Variants in NCBP2L observed in about 807,000 individuals in gnomAD.
NCBP2L encodes the protein nuclear cap binding protein subunit 2 like, also known as nuclear cap-binding protein subunit 2-like.
For missense variants in NCBP2L, 95 were observed against 53.1 expected, an observed-to-expected ratio of 1.79 and a Z score of -2.45; for synonymous variants, 39 against 19.2, an observed-to-expected ratio of 2.04 and a Z score of -2.70.
chrX:107,787,539 C>A (rs1195026841), intron 1 of NCBP2L, among the ~76,000 whole-genome samples: 1 of 111,915 alleles, frequency 8.9e-6, no homozygotes, highest in Non-Finnish European at 1.9e-5. Context: ...CATCTCTCAC[C>A]TCCATGACAT....
intron 1 of NCBP2L, among the ~76,000 whole-genome samples, chrX:107,782,338 AATATATATATATAAATATAT>A (rs1930331168): frequency 2.9e-5 from 1 of 34,789 alleles, no homozygotes. Context: ...TATATATATA[AATATATATATATAAATATAT>A]ATATATATAA....
rs1478108715 is a variant in NCBP2L, at chrX:107,795,399, A to G, written c.*717A>G. 1 of 111,903 alleles carries G rather than the reference A, an allele frequency of 8.9e-6. No homozygotes were observed. The highest frequency in any genetic ancestry group is 2.8e-4 in the East Asian group (1 of 3,601). 9.2% of individuals were successfully genotyped at this position (111,903 alleles called of 1,213,427 possible). ...CCATCCTCTCAATATAGTTCACAACACTTTACAGAGGGTTCCTGAGTTACA... is the reference window on the plus strand; with the variant it reads ...CCATCCTCTCAATATAGTTCACAACGCTTTACAGAGGGTTCCTGAGTTACA... On this transcript the variant is annotated 3_prime_UTR_variant, in exon 2 of 2. Transcript: ENST00000509000.
At chrX:107,785,012 A>AGAAGGAAGGAAGGAAGGAAG (rs376629064) in intron 1 of NCBP2L, among the ~76,000 whole-genome samples, 1 of 101,761 alleles carries the variant, frequency 9.8e-6, no homozygotes, top group African/African-American at 3.8e-5. Context: ...AAGGAAAGAA[A>AGAAGGAAGGAAGGAAGGAAG]GAAGGAAGGA....
intron 1 of NCBP2L, among the ~76,000 whole-genome samples, chrX:107,789,831 CAGG>C (rs760696456): frequency 2.7e-5 from 3 of 109,667 alleles, no homozygotes; most frequent in Non-Finnish European, 5.7e-5. Flanking sequence ...CAGTCTTTCC[CAGG>C]TTTTTTCATT....
chrX:107,783,711 T>C (rs1303058357), intron 1 of NCBP2L, among the ~76,000 whole-genome samples: 1 of 111,005 alleles, frequency 9.0e-6, no homozygotes, highest in Non-Finnish European at 1.9e-5. Flanking sequence ...CATGATGTTT[T>C]GACATACATT....
chrX:107,779,910 A>AT (rs1194305335), intron 1 of NCBP2L, among the ~76,000 whole-genome samples: 3 of 107,595 alleles, frequency 2.8e-5, no homozygotes, highest in African/African-American at 6.8e-5. Context: ...CGCCCGGCTA[A>AT]TTTTTTTGTA....
At chrX:107,784,807 CA>C (rs10550955) in intron 1 of NCBP2L, among the ~76,000 whole-genome samples, 3,352 of 41,090 alleles carry the variant, frequency 0.082, 134 homozygotes, top group African/African-American at 0.17. Flanking sequence ...CCCATCTCCA[CA>C]AAAAAAAAAA....
chrX:107,794,110 C>T (rs1930485899), intron 1 of NCBP2L, 39 bp from the exon 2 acceptor site: 1 of 445,593 alleles, frequency 2.2e-6, no homozygotes, highest in Admixed American at 4.1e-5. Flanking sequence ...CTTCTGTTTC[C>T]CTCCTTTTGA....
intron 1 of NCBP2L, among the ~76,000 whole-genome samples, chrX:107,783,502 A>G (rs1314134463): frequency 9.3e-6 from 1 of 107,960 alleles, no homozygotes; most frequent in African/African-American, 3.4e-5. Flanking sequence ...CCTCCCGAGT[A>G]GCTGAAATTA....
chrX:107,781,692 C>CTCTCTCTCTCTCTCTATATATATATATA (rs1395038482), intron 1 of NCBP2L, among the ~76,000 whole-genome samples: 1 of 66,919 alleles, frequency 1.5e-5, no homozygotes, highest in African/African-American at 8.5e-5. Flanking sequence ...CTCTCTCTCT[C>CTCTCTCTCTCTCTCTATATATATATATA]TATATATATA....
chrX:107,790,291 T>G lies in NCBP2L; in HGVS notation c.-72-3858T>G, dbSNP rs747373514. ...CCAGGCTTTCCATAATCTTTTTGTT[T>G]TTTAACCATTCAAATAGCTCCGTAA... On this transcript the variant is annotated intron_variant, in intron 1 of 1. Transcript: ENST00000509000. Among the ~76,000 whole-genome samples the G allele has an allele frequency of 4.4e-5, 5 of 112,386 alleles. No individual in the cohort carries two copies. The South Asian group carries it at 1.5e-3, about 33-fold the overall frequency.
chrX:107,782,943 G>A (rs36031717), intron 1 of NCBP2L, among the ~76,000 whole-genome samples: 1 of 104,888 alleles, frequency 9.5e-6, no homozygotes, highest in Admixed American at 1.0e-4. Flanking sequence ...ATACATGTGT[G>A]TATATATATA....
chrX:107,794,114 C>G, intron 1 of NCBP2L, 35 bp from the exon 2 acceptor site: 2 of 450,950 alleles, frequency 4.4e-6, no homozygotes, highest in Non-Finnish European at 7.9e-6. Context: ...TGTTTCCCTC[C>G]TTTTGACTTC....
intron 1 of NCBP2L, among the ~76,000 whole-genome samples, chrX:107,788,781 G>A (rs1196494813): frequency 2.7e-5 from 3 of 111,464 alleles, no homozygotes; most frequent in Non-Finnish European, 3.8e-5. Context: ...TGTTTTCAGT[G>A]GTAGAGGTTC....
intron 1 of NCBP2L, among the ~76,000 whole-genome samples, chrX:107,781,784 A>ATAGATAGCTATATTTATATATAGATATC (rs1930291833): frequency 2.7e-5 from 2 of 73,517 alleles, no homozygotes; most frequent in African/African-American, 5.7e-5. Flanking sequence ...ATATAGATCT[A>ATAGATAGCTATATTTATATATAGATATC]TAGATATCTA....
At chrX:107,789,249 G>A (rs1196229147) in intron 1 of NCBP2L, among the ~76,000 whole-genome samples, 2 of 92,066 alleles carry the variant, frequency 2.2e-5, no homozygotes, top group Non-Finnish European at 4.1e-5. Flanking sequence ...ATTTCTCTAC[G>A]TATGCTTTGG....
At chrX:107,778,577 T>C (rs1221868433) in intron 1 of NCBP2L, among the ~76,000 whole-genome samples, 1 of 112,930 alleles carries the variant, frequency 8.9e-6, no homozygotes, top group Non-Finnish European at 1.9e-5. Flanking sequence ...CAGGGCCACC[T>C]TGGCTCCCTT....
intron 1 of NCBP2L, among the ~76,000 whole-genome samples, chrX:107,782,290 TATATATATAA>T (rs1930322702): frequency 6.0e-5 from 2 of 33,368 alleles, no homozygotes; most frequent in African/African-American, 6.5e-4. Context: ...TATATAAATA[TATATATATAA>T]ATATATATAT....
intron 1 of NCBP2L, among the ~76,000 whole-genome samples, chrX:107,784,391 C>T (rs891824671): frequency 1.2e-4 from 13 of 110,782 alleles, no homozygotes; most frequent in African/African-American, 3.6e-4. Context: ...TAGATGGAAT[C>T]TTCCATCTCT....
Sources: allele counts gnomAD v4.1 joint callset (sites outside exome capture counted in the v4.1 genomes callset), GRCh38; gene constraint gnomAD v4.1.1; transcripts MANE v1.5; gene names NCBI Gene and HGNC (gene_info 2026-07-23, HGNC 2026-07-21).